The following DYNC1I1 variants were observed in gnomAD, a reference collection of about 807,000 sequenced individuals.
DYNC1I1 encodes the protein dynein cytoplasmic 1 intermediate chain 1, also known as cytoplasmic dynein 1 intermediate chain 1.
In DYNC1I1, 43 loss-of-function variants were observed where a neutral mutation model predicts 86.6. The observed-to-expected ratio is 0.50, with a 90% CI of 0.39 to 0.64. The LOEUF is 0.64. Ranked by LOEUF, DYNC1I1 falls within the 30% of genes least tolerant of loss-of-function variation. The pLI is 0.00. For synonymous variants in DYNC1I1, 262 were observed against 283.7 expected (o/e 0.92, Z 0.77); for missense variants, 604 against 788.8 (o/e 0.77, Z 2.81).
intron 1 of DYNC1I1, among the ~76,000 whole-genome samples, chr7:95,773,887 C>G (rs942588196): frequency 1.3e-5 from 2 of 152,058 alleles, no homozygotes; most frequent in African/African-American, 4.8e-5. Context: ...ATACGTTGAT[C>G]AGTGTTAGTA....
At chr7:95,804,515 C>A in intron 1 of DYNC1I1, 2 of 856,026 alleles carry the variant, frequency 2.3e-6, no homozygotes, top group Admixed American at 3.3e-5. Context: ...TGTATATATA[C>A]CTAAAAGGGA....
At chr7:96,027,632 A>T (rs1208842860) in intron 10 of DYNC1I1, among the ~76,000 whole-genome samples, 1 of 152,184 alleles carries the variant, frequency 6.6e-6, no homozygotes, top group African/African-American at 2.4e-5. Context: ...GGAGGAGCCA[A>T]TTGGATCAGT....
intron 5 of DYNC1I1, among the ~76,000 whole-genome samples, chr7:95,846,623 C>CTGTGTGTG (rs1314616292): frequency 0.049 from 5,892 of 120,386 alleles, 221 homozygotes; most frequent in Middle Eastern, 0.09. Flanking sequence ...ATAAATCTCT[C>CTGTGTGTG]TCTCTGTGTG....
At chr7:95,788,167 A>G (rs929800660) in intron 1 of DYNC1I1, among the ~76,000 whole-genome samples, 1 of 152,194 alleles carries the variant, frequency 6.6e-6, no homozygotes, top group African/African-American at 2.4e-5. Context: ...TTAATGCATT[A>G]CTATAGCAGC....
At chr7:95,786,183 A>G (rs1387487516) in intron 1 of DYNC1I1, among the ~76,000 whole-genome samples, 1 of 152,104 alleles carries the variant, frequency 6.6e-6, no homozygotes, top group Non-Finnish European at 1.5e-5. Context: ...TGTGGCACCA[A>G]ACATTCCCCT....
intron 6 of DYNC1I1, among the ~76,000 whole-genome samples, chr7:95,965,306 A>G (rs1792980661): frequency 6.6e-6 from 1 of 152,168 alleles, no homozygotes; most frequent in East Asian, 1.9e-4. Context: ...CCATTAATAT[A>G]TCTTCATCCT....
chr7:96,070,077 G>A (rs1248412936), intron 14 of DYNC1I1, among the ~76,000 whole-genome samples: 2 of 152,182 alleles, frequency 1.3e-5, no homozygotes, highest in African/African-American at 4.8e-5. Flanking sequence ...CACAGGTAAA[G>A]ATATCATTTA....
intron 6 of DYNC1I1, among the ~76,000 whole-genome samples, chr7:95,917,894 A>G (rs1374106742): frequency 6.6e-6 from 1 of 152,180 alleles, no homozygotes; most frequent in Non-Finnish European, 1.5e-5. Context: ...TCCGTGAAAC[A>G]TTCTGCCCCT....
chr7:95,884,781 GAAAAAAAAAGACAAAA>G (rs1055012254), intron 6 of DYNC1I1, among the ~76,000 whole-genome samples: 3 of 97,800 alleles, frequency 3.1e-5, no homozygotes, highest in African/African-American at 1.2e-4. Flanking sequence ...CGAAAAGGAA[GAAAAAAAAAGACAAAA>G]AAAAAAAAAT....
At chr7:95,922,301 G>A (rs1791631863) in intron 6 of DYNC1I1, among the ~76,000 whole-genome samples, 1 of 152,028 alleles carries the variant, frequency 6.6e-6, no homozygotes, top group South Asian at 2.1e-4. Flanking sequence ...CGTTACTCTA[G>A]AGTGAGTAAC....
chr7:95,823,986 G>GT (rs1347277393), intron 4 of DYNC1I1, among the ~76,000 whole-genome samples: 4 of 59,812 alleles, frequency 6.7e-5, no homozygotes, highest in Non-Finnish European at 1.2e-4. Flanking sequence ...ATATGTTTTG[G>GT]TTTTTTGTTT....
rs573722815 is a variant in DYNC1I1, at chr7:96,028,027, C to A, written c.970-148C>A. On this transcript the variant is annotated intron_variant, in intron 10 of 16. Transcript: ENST00000447467. ...GCCTATGTACAAAATTTCTTAGTAA[C>A]TATGCACTTTTACAGTCCCAGCTTT... 3.2e-4 allele frequency: 364 copies of A among 1,142,422 alleles called. 2 individuals carry two copies. In the South Asian group the frequency reaches 4.1e-3, roughly 13 times the overall value. 70.8% of individuals were successfully genotyped at this position (1,142,422 alleles called of 1,614,324 possible). A position where few individuals can be genotyped will look rare whatever the true frequency, so the allele number is the denominator to read the frequency against.
At chr7:95,832,274 C>A (rs936304075) in intron 5 of DYNC1I1, among the ~76,000 whole-genome samples, 1 of 145,118 alleles carries the variant, frequency 6.9e-6, no homozygotes, top group African/African-American at 2.6e-5. Flanking sequence ...CAATTTCATC[C>A]ATGTCCCTAC....
chr7:95,939,715 G>A (rs1022458933), intron 6 of DYNC1I1, among the ~76,000 whole-genome samples: 10 of 151,834 alleles, frequency 6.6e-5, no homozygotes, highest in African/African-American at 1.9e-4. Flanking sequence ...TGGGTTTCCT[G>A]AATACAGCAC....
intron 1 of DYNC1I1, among the ~76,000 whole-genome samples, chr7:95,777,523 G>T (rs1244809026): frequency 6.6e-6 from 1 of 152,196 alleles, no homozygotes; most frequent in Non-Finnish European, 1.5e-5. Context: ...TTAGTTTTCA[G>T]TTCATACTGG....
chr7:95,923,808 C>A (rs1791672648), intron 6 of DYNC1I1, among the ~76,000 whole-genome samples: 1 of 151,994 alleles, frequency 6.6e-6, no homozygotes, highest in South Asian at 2.1e-4. Flanking sequence ...GTACAAATGG[C>A]ATTTGAGTGA....
rs201485870 is a variant in DYNC1I1 at position 96,039,239 on chromosome 7, G to A, written c.1365-38G>A. 100 of 1,580,360 alleles carry A rather than the reference G, an allele frequency of 6.3e-5. No homozygotes were observed. The East Asian group carries it at 2.2e-3, about 35-fold the overall frequency. ...TTTTAAGCAATCATTGCTTTTCAGA[G>A]GTCACTGGAATTCTGCTCATGTGTG... On this transcript the variant is annotated intron_variant, in intron 13 of 16. Transcript: ENST00000447467.
intron 1 of DYNC1I1, among the ~76,000 whole-genome samples, chr7:95,786,403 GTACGT>G (rs1794148266): frequency 6.6e-6 from 1 of 152,094 alleles, no homozygotes; most frequent in African/African-American, 2.4e-5. Flanking sequence ...GCACTCTTTA[GTACGT>G]TATACCTTTG....
chr7:96,104,529 AAATT>A (rs1175721359), intron 16 of DYNC1I1, among the ~76,000 whole-genome samples: 6 of 152,116 alleles, frequency 3.9e-5, no homozygotes, highest in Admixed American at 1.3e-4. Context: ...GATGGTTCTT[AAATT>A]AATTTTTGTG....
Sources: gnomAD v4.1 joint callset for allele counts (sites outside exome capture counted in the v4.1 genomes callset) on GRCh38, gnomAD v4.1.1 for gene constraint, MANE v1.5 for transcripts, NCBI Gene and HGNC (gene_info 2026-07-23, HGNC 2026-07-21) for gene names.